The following VWA3B variants were observed in gnomAD, a reference collection of about 807,000 sequenced individuals.
VWA3B encodes the protein von Willebrand factor A domain containing 3B, also known as von Willebrand factor A domain-containing protein 3B.
A neutral mutation model predicts 158.3 loss-of-function variants in VWA3B; 138 were observed. The observed-to-expected ratio is 0.87, with a 90% CI of 0.76 to 1.00. The LOEUF (loss-of-function observed/expected upper bound fraction) is 1.00. Ranked by LOEUF, VWA3B falls within the 50% of genes least tolerant of loss-of-function variation. The pLI is 0.00. For missense variants in VWA3B, 1,555 were observed against 1,565.1 expected (o/e 0.99, Z 0.11); for synonymous variants, 596 against 587.3 (o/e 1.01, Z -0.21).
intron 12 of VWA3B, among the ~76,000 whole-genome samples, chr2:98,197,616 A>G (rs990955136): frequency 2.6e-5 from 4 of 152,098 alleles, no homozygotes; most frequent in Admixed American, 2.6e-4. Context: ...ATTCATTTAT[A>G]TATTTATTTC....
chr2:98,325,164 T>C, the VWA3B span, among the ~76,000 whole-genome samples: 469 of 152,242 alleles, frequency 3.1e-3, 3 homozygotes, highest in African/African-American at 0.011. Context: ...AAGATGTAAA[T>C]TTATAGATCC....
At chr2:98,114,031 G>A (rs1274201284) in intron 2 of VWA3B, among the ~76,000 whole-genome samples, 1 of 152,172 alleles carries the variant, frequency 6.6e-6, no homozygotes, top group Non-Finnish European at 1.5e-5. Flanking sequence ...TTTTAGGATG[G>A]ATGCCATTCC....
At chr2:98,179,786 T>TTTCTTTCTTTC (rs1680342820) in intron 8 of VWA3B, among the ~76,000 whole-genome samples, 4 of 116,662 alleles carry the variant, frequency 3.4e-5, no homozygotes, top group African/African-American at 1.2e-4. Context: ...TTTCTCTTTC[T>TTTCTTTCTTTC]TTTCTTTCTT....
At chr2:98,126,225 G>T (rs978825039) in intron 5 of VWA3B, among the ~76,000 whole-genome samples, 1 of 152,164 alleles carries the variant, frequency 6.6e-6, no homozygotes, top group African/African-American at 2.4e-5. Context: ...AATCTCAAGG[G>T]AAAAACATTT....
At chr2:98,156,145 A>G (rs900106244) in intron 7 of VWA3B, among the ~76,000 whole-genome samples, 15 of 152,186 alleles carry the variant, frequency 9.9e-5, no homozygotes, top group African/African-American at 1.7e-4. Context: ...GGGCCTCCTC[A>G]GAGCTGGGAT....
chr2:98,211,988 C>T lies in VWA3B; in HGVS notation c.1796C>T (p.Thr599Ile), dbSNP rs768791958. The change falls in exon 13 of 28, where the codon ACA (threonine) becomes ATA (isoleucine). Residue 599 changes from threonine (T) to isoleucine (I), a missense_variant. Physicochemically the swap from Thr to Ile is moderately conservative, Grantham distance 89. Transcript: ENST00000477737. ...AAAACTGCTTTTGCTGATAAAGAAA[C>T]ACAGGCAATCTACCTTCTGACCGAT... ...ALKTAFADKE[T>I]QAIYLLTDGR... is the part of the protein sequence containing the mutation. 6.2e-7 allele frequency: 1 copy of T among 1,614,106 alleles called. No homozygotes were observed. The highest frequency in any genetic ancestry group is 2.2e-5 in the East Asian group (1 of 44,884).
At chr2:98,191,824 G>C (rs1227830953) in intron 10 of VWA3B, among the ~76,000 whole-genome samples, 1 of 152,162 alleles carries the variant, frequency 6.6e-6, no homozygotes, top group African/African-American at 2.4e-5. Flanking sequence ...CCTTTCTCCT[G>C]TGCAGTAGTG....
chr2:98,193,721 C>A (rs1005540708), intron 11 of VWA3B, among the ~76,000 whole-genome samples: 1 of 151,938 alleles, frequency 6.6e-6, no homozygotes, highest in Admixed American at 6.6e-5. Context: ...TCCCAAGTAG[C>A]TGGGACTACA....
At chr2:98,307,542 A>G (rs563047903) in intron 26 of VWA3B, among the ~76,000 whole-genome samples, 3 of 152,364 alleles carry the variant, frequency 2.0e-5, no homozygotes, top group African/African-American at 7.2e-5. Context: ...TATTTAAACT[A>G]AATTGTGAGA....
At chr2:98,291,258 T>G (rs1489619665) in intron 23 of VWA3B, 1 of 152,330 alleles carries the variant, frequency 6.6e-6, no homozygotes, top group East Asian at 1.9e-4. Context: ...GGAAGGGCCA[T>G]GAGACTGGGA....
rs997725319 is a variant in VWA3B at position 98,270,982 on chromosome 2, C to T, written c.3045+99C>T. 6 of 1,191,232 alleles carry T rather than the reference C, an allele frequency of 5.0e-6. No homozygotes were observed. The Admixed American group carries it at 1.4e-4, about 28-fold the overall frequency. The allele number at this position is 1,191,232 out of a possible 1,614,324, so 73.8% of individuals were successfully genotyped here. A position where few individuals can be genotyped will look rare whatever the true frequency, so the allele number is the denominator to read the frequency against. On this transcript the variant is annotated intron_variant, in intron 22 of 27. Transcript: ENST00000477737. ...TCCTTCTCTGTCTCCCACTCCCCGC[C>T]ACACTGATTTCTAAAAGTGTTAGAG...
intron 10 of VWA3B, among the ~76,000 whole-genome samples, chr2:98,189,416 G>A (rs185482733): frequency 4.7e-4 from 71 of 152,254 alleles, no homozygotes; most frequent in South Asian, 6.2e-4. Flanking sequence ...AATATTTGTG[G>A]ATTTTCCTGA....
In VWA3B at chr2:98,227,089, GAGA is replaced by G. The variant is rs1280868316; in HGVS notation, c.2020-1107_2020-1105del. Among the ~76,000 whole-genome samples, 8 of 152,324 alleles carry G rather than the reference GAGA, an allele frequency of 5.3e-5. No individual in the cohort carries two copies. The South Asian group carries it at 1.7e-3, about 32-fold the overall frequency. ...GAAATAAAGGGTGTTCAAATAGGAA[GAGA>G]AGAAGTCAAATTGTCTCTGTTTGCA... On this transcript the variant is annotated intron_variant, in intron 14 of 27. Transcript: ENST00000477737.
At chr2:98,306,672 A>G (rs1050802953) in intron 26 of VWA3B, among the ~76,000 whole-genome samples, 2 of 152,208 alleles carry the variant, frequency 1.3e-5, no homozygotes, top group African/African-American at 4.8e-5. Flanking sequence ...ACCCATTTTC[A>G]CCAAACTCAA....
intron 2 of VWA3B, among the ~76,000 whole-genome samples, chr2:98,102,071 C>G (rs2104855725): frequency 6.6e-6 from 1 of 152,202 alleles, no homozygotes; most frequent in African/African-American, 2.4e-5. Context: ...GAGTGGTGAT[C>G]ACTCTTAATG....
chr2:98,141,402 C>T (rs1005965293), intron 7 of VWA3B, among the ~76,000 whole-genome samples: 1 of 152,090 alleles, frequency 6.6e-6, no homozygotes, highest in Non-Finnish European at 1.5e-5. Flanking sequence ...TTAAATATGG[C>T]AGAAGGCAAA....
chr2:98,272,211 C>A (rs541647297), intron 22 of VWA3B, among the ~76,000 whole-genome samples: 1 of 152,240 alleles, frequency 6.6e-6, no homozygotes, highest in African/African-American at 2.4e-5. Context: ...CTGACTGACC[C>A]GCTTCAAGTT....
chr2:98,264,998 A>T (rs201171979), intron 21 of VWA3B, among the ~76,000 whole-genome samples: 1 of 152,082 alleles, frequency 6.6e-6, no homozygotes, highest in South Asian at 2.1e-4. Flanking sequence ...TTATTAAGTC[A>T]TAAGTTGATA....
chr2:98,268,795 A>G (rs893693493), intron 21 of VWA3B, among the ~76,000 whole-genome samples: 1 of 152,108 alleles, frequency 6.6e-6, no homozygotes, highest in Non-Finnish European at 1.5e-5. Context: ...TAAACATACA[A>G]TTAAAGCTAT....
Sources: allele counts gnomAD v4.1 joint callset (sites outside exome capture counted in the v4.1 genomes callset), GRCh38; gene constraint gnomAD v4.1.1; transcripts MANE v1.5; gene names NCBI Gene and HGNC (gene_info 2026-07-23, HGNC 2026-07-21).